MGA: variants seen among roughly 807,000 people sequenced by gnomAD.
MGA encodes MAX gene-associated protein.
A neutral mutation model predicts 261.1 loss-of-function variants in MGA; 40 were observed. The ratio of observed to expected loss-of-function variants is 0.15; its 90% confidence interval spans 0.12 to 0.20. The LOEUF (loss-of-function observed/expected upper bound fraction) is 0.20, where lower values mean the gene tolerates loss of function less well. Ranked by LOEUF, MGA falls within the 10% of genes least tolerant of loss-of-function variation. MGA has a pLI of 1.00. For synonymous variants in MGA, 1,302 were observed against 1,290.6 expected, an observed-to-expected ratio of 1.01 and a Z score of -0.19; for missense variants, 3,397 against 3,630.5, an observed-to-expected ratio of 0.94 and a Z score of 1.65.
At chr15:41,732,428 G>A (rs983044390) in intron 11 of MGA, among the ~76,000 whole-genome samples, 1 of 152,142 alleles carries the variant, frequency 6.6e-6, no homozygotes, top group Non-Finnish European at 1.5e-5. Flanking sequence ...GATTACCCAC[G>A]TGAGCCACCG....
intron 15 of MGA, 95 bp from the exon 16 acceptor site, chr15:41,748,542 C>T (rs540185168): frequency 1.2e-5 from 17 of 1,382,990 alleles, no homozygotes; most frequent in African/African-American, 2.9e-5. Flanking sequence ...AGCAACAAAG[C>T]AAGACTGTGT....
chr15:41,643,295 C>T (rs1419066936), intron 1 of MGA, among the ~76,000 whole-genome samples: 1 of 150,704 alleles, frequency 6.6e-6, no homozygotes, highest in African/African-American at 2.4e-5. Flanking sequence ...GGCTGTAGTG[C>T]AGTGGCGTGA....
chr15:41,766,165 T>C lies in MGA; in HGVS notation c.8083T>C (p.Leu2695=). The change falls in exon 24 of 24, where the codon TTA becomes CTA. Residue 2695 remains leucine (L), a synonymous_variant. Transcript: ENST00000219905. ...CACCGTCAGGAATGAAGATAATTCC[T>C]TAGAGGATAAGGGTAGAATCTCTTC... is the stretch of plus-strand genomic sequence containing the variant. 6.2e-7 allele frequency: 1 copy of C among 1,614,008 alleles called. No homozygotes were observed. Among genetic ancestry groups the C allele is most frequent in the Non-Finnish European group, 8.5e-7 (1 of 1,179,880 alleles).
At position 41,626,868 on chromosome 15, in the gene MGA, T is replaced by A. The variant is rs534680062; in HGVS notation, c.-68+5570T>A. On this transcript the variant is annotated intron_variant, in intron 1 of 8. Coordinates refer to the MGA transcript ENST00000566718. ...GTATATTTACTATAATTAAAATAAT[T>A]TATTTTAGTTTTTGAGATGGAGTCT... Among the ~76,000 whole-genome samples the A allele has an allele frequency of 3.3e-5, 5 of 152,222 alleles. No homozygotes were observed. The East Asian group carries it at 5.8e-4, about 18-fold the overall frequency.
chr15:41,701,154 T>A (rs577852317), intron 5 of MGA, among the ~76,000 whole-genome samples: 4 of 152,174 alleles, frequency 2.6e-5, no homozygotes, highest in South Asian at 2.1e-4. Context: ...TTAAATAATA[T>A]TATCTTATTT....
chr15:41,675,652 C>T (rs138509762), intron 2 of MGA, among the ~76,000 whole-genome samples: 1,873 of 152,262 alleles, frequency 0.012, 19 homozygotes, highest in Non-Finnish European at 0.019. Context: ...GTTGGGATTA[C>T]GGGAGTGAGC....
At chr15:41,746,139 A>G (rs958515523) in intron 15 of MGA, among the ~76,000 whole-genome samples, 10 of 152,202 alleles carry the variant, frequency 6.6e-5, no homozygotes, top group African/African-American at 2.4e-4. Context: ...TGTATATTAA[A>G]GATTGCTTTC....
At chr15:41,699,225 T>G in intron 5 of MGA, 66 bp downstream of exon 5, 2 of 1,031,102 alleles carry the variant, frequency 1.9e-6, no homozygotes, top group Non-Finnish European at 2.8e-6. Flanking sequence ...GTTTCTCCTC[T>G]TTTTCCTCTC....
chr15:41,693,361 A>G (rs1187246045), intron 2 of MGA, among the ~76,000 whole-genome samples: 1 of 125,998 alleles, frequency 7.9e-6, no homozygotes, highest in Admixed American at 1.1e-4. Context: ...TTCTGTGTCC[A>G]TGCGTTCTCA....
At chr15:41,692,676 C>T (rs1303396239) in intron 2 of MGA, among the ~76,000 whole-genome samples, 5 of 152,184 alleles carry the variant, frequency 3.3e-5, no homozygotes, top group Admixed American at 3.3e-4. Flanking sequence ...TGATCTTCCA[C>T]ATTCTAACTG....
At chr15:41,718,319 A>G (rs1393821485) in intron 9 of MGA, 3 of 248,600 alleles carry the variant, frequency 1.2e-5, no homozygotes, top group African/African-American at 2.3e-5. Flanking sequence ...ATATATATAT[A>G]TACATATATA....
Position 41,711,337 on chromosome 15 carries a change from A to G in MGA, c.3072A>G (p.Leu1024=), listed in dbSNP as rs1034352479. The G allele has an allele frequency of 1.9e-5, 31 of 1,599,802 alleles. No individual in the cohort carries two copies. The highest frequency in any genetic ancestry group is 2.4e-5 in the Non-Finnish European group (28 of 1,173,636). The stretch of plus-strand genomic sequence containing the variant: ...GAGCAGATGTATCCTTAACAACTCT[A>G]CTTACAGCTCAAGTAAGTAGCTGCT... Residue 1024 remains leucine, a synonymous_variant, in exon 8 of 24, where the codon CTA becomes CTG. Transcript: ENST00000219905.
At chr15:41,663,743 T>A (rs1167478706) in intron 1 of MGA, among the ~76,000 whole-genome samples, 1 of 152,028 alleles carries the variant, frequency 6.6e-6, no homozygotes, top group East Asian at 1.9e-4. Context: ...AGTGCTGGGA[T>A]TACAAGCGCG....
At chr15:41,758,319 G>C (rs1243500866) in intron 19 of MGA, among the ~76,000 whole-genome samples, 1 of 151,986 alleles carries the variant, frequency 6.6e-6, no homozygotes, top group Non-Finnish European at 1.5e-5. Context: ...ACCAACAGTA[G>C]GCATGGAGGA....
intron 1 of MGA, among the ~76,000 whole-genome samples, chr15:41,644,583 C>T (rs1442031232): frequency 7.2e-5 from 11 of 151,878 alleles, no homozygotes; most frequent in African/African-American, 2.4e-4. Flanking sequence ...ACTTGAAACC[C>T]GGGAGGAGGA....
intron 2 of MGA, among the ~76,000 whole-genome samples, chr15:41,693,467 A>T (rs762723652): frequency 1.3e-5 from 2 of 152,102 alleles, no homozygotes; most frequent in Non-Finnish European, 2.9e-5. Flanking sequence ...TTTTCAAGTA[A>T]GGTTAAAATC....
At chr15:41,668,137 T>C (rs1256295096) in intron 1 of MGA, among the ~76,000 whole-genome samples, 1 of 152,110 alleles carries the variant, frequency 6.6e-6, no homozygotes, top group Non-Finnish European at 1.5e-5. Context: ...TTTTTTTTTT[T>C]TTGGCCTTAC....
At position 41,749,725 on chromosome 15, in the gene MGA, G is replaced by C. The variant is rs2062727322; in HGVS notation, c.6118G>C (p.Glu2040Gln). ...TTTGGATGAAGAATGCCTTCCAGAA[G>C]AAGGTTGTGCAACTGTCAAACCATC... The change falls in exon 17 of 24, where the codon GAA (glutamate) becomes CAA (glutamine). Residue 2040 changes from glutamate to glutamine, a missense_variant. Glu to Gln is a conservative substitution (Grantham distance 29). Transcript: ENST00000219905. The C allele has an allele frequency of 6.2e-7, 1 of 1,614,010 alleles. No homozygotes were observed. The highest frequency in any genetic ancestry group is 8.5e-7 in the Non-Finnish European group (1 of 1,179,878).
chr15:41,666,653 A>C (rs1223073267), intron 1 of MGA, among the ~76,000 whole-genome samples: 3 of 152,240 alleles, frequency 2.0e-5, no homozygotes, highest in Admixed American at 6.5e-5. Flanking sequence ...TTTTACGCTT[A>C]ATATATCTTG....
Sources: gnomAD v4.1 joint callset for allele counts (sites outside exome capture counted in the v4.1 genomes callset) on GRCh38, gnomAD v4.1.1 for gene constraint, MANE v1.5 for transcripts, NCBI Gene and HGNC (gene_info 2026-07-23, HGNC 2026-07-21) for gene names.